SDK2: variants seen among roughly 807,000 people sequenced by gnomAD.
The protein encoded by SDK2 is protein sidekick-2.
A neutral mutation model predicts 253.9 loss-of-function variants in SDK2; 105 were observed. The observed-to-expected ratio is 0.41, with a 90% CI of 0.35 to 0.49. SDK2 has a LOEUF of 0.49. SDK2 is among the 20% of genes least tolerant of loss of function. SDK2 has a pLI of 0.06. For missense variants in SDK2, 2,608 were observed against 3,003.0 expected, an observed-to-expected ratio of 0.87 and a Z score of 3.07; for synonymous variants, 1,249 against 1,234.9, an observed-to-expected ratio of 1.01 and a Z score of -0.24.
intron 44 of SDK2, among the ~76,000 whole-genome samples, chr17:73,339,437 G>C (rs1315247530): frequency 1.3e-5 from 2 of 151,922 alleles, no homozygotes; most frequent in Non-Finnish European, 2.9e-5. Context: ...AGCTAGGCTG[G>C]TCTTGAACTC....
intron 38 of SDK2, 112 bp downstream of exon 38, chr17:73,365,146 G>A: frequency 2.7e-6 from 2 of 753,652 alleles, no homozygotes; most frequent in Non-Finnish European, 3.9e-6. Context: ...TTATAAGATG[G>A]GGAGACTCTC....
intron 1 of SDK2, among the ~76,000 whole-genome samples, chr17:73,610,447 G>C (rs2045959468): frequency 6.6e-6 from 1 of 152,204 alleles, no homozygotes; most frequent in African/African-American, 2.4e-5. Flanking sequence ...TTTTGGCCCA[G>C]CACGCATTCC....
intron 40 of SDK2, chr17:73,357,738 G>A (rs901383713): frequency 1.3e-5 from 5 of 374,758 alleles, no homozygotes; most frequent in African/African-American, 2.1e-5. Flanking sequence ...CTTAGTTATG[G>A]GGCACCCATC....
chr17:73,568,790 G>GAA (rs34711924), intron 1 of SDK2, among the ~76,000 whole-genome samples: 59,300 of 151,832 alleles, frequency 0.39, 12,757 homozygotes, highest in African/African-American at 0.59. Flanking sequence ...AATACAAGGA[G>GAA]AAGAGTCGTT....
intron 1 of SDK2, among the ~76,000 whole-genome samples, chr17:73,569,516 G>C (rs979053548): frequency 6.6e-6 from 1 of 151,680 alleles, no homozygotes; most frequent in South Asian, 2.1e-4. Context: ...TTTTGTATTC[G>C]TGCCTATTAA....
chr17:73,388,451 C>T (rs962950620), intron 29 of SDK2, among the ~76,000 whole-genome samples: 2 of 152,200 alleles, frequency 1.3e-5, no homozygotes, highest in African/African-American at 4.8e-5. Context: ...AGCTTGGCTT[C>T]CTTCTCTCCC....
intron 1 of SDK2, among the ~76,000 whole-genome samples, chr17:73,550,974 G>C (rs1041191645): frequency 1.3e-5 from 2 of 152,164 alleles, no homozygotes; most frequent in Non-Finnish European, 2.9e-5. Context: ...CCTACCTCCT[G>C]TCTCCTGTCA....
Position 73,431,422 on chromosome 17 carries a change from C to G in SDK2, c.1480+80G>C. 1 of 1,379,954 alleles carries G rather than the reference C, an allele frequency of 7.2e-7. No homozygotes were observed. Among genetic ancestry groups the G allele is most frequent in the Non-Finnish European group, 9.9e-7 (1 of 1,014,804 alleles). The allele number at this position is 1,379,954 out of a possible 1,614,324, so 85.5% of individuals were successfully genotyped here. On this transcript the variant is annotated intron_variant, in intron 11 of 44. Transcript: ENST00000392650. This position sits in a 1 kb window ranked among gnomAD's most constrained non-coding sequence, Gnocchi z 5.6. Reference sequence around the variant, plus strand: ...GGTGGTATGAGCCTGTGCCCCGTAGCTGTCCTGAGTCCTCAGCACCTACAG... The same window carrying G: ...GGTGGTATGAGCCTGTGCCCCGTAGGTGTCCTGAGTCCTCAGCACCTACAG...
chr17:73,412,904 C>T (rs1438030917), intron 18 of SDK2, among the ~76,000 whole-genome samples: 1 of 152,152 alleles, frequency 6.6e-6, no homozygotes, highest in Non-Finnish European at 1.5e-5. Context: ...TGAAGACAGA[C>T]ACCTAGAAGT....
chr17:73,361,879 A>G lies in SDK2; in HGVS notation c.5306-34T>C. On this transcript the variant is annotated intron_variant, in intron 38 of 44. Coordinates refer to ENST00000392650, the MANE Select transcript of SDK2 (RefSeq NM_001144952.2). This position sits in a 1 kb window ranked among gnomAD's most constrained non-coding sequence, Gnocchi z 4.1. ...GGCACAGCAAGTGGGGACTGGGCAC[A>G]GGGCCCACCGAGGGCACTGGAGGCC... 1 of 1,541,664 alleles carries G rather than the reference A, an allele frequency of 6.5e-7. No homozygotes were observed. The highest frequency in any genetic ancestry group is 2.4e-5 in the East Asian group (1 of 41,686).
chr17:73,372,745 A>AAAC (rs2062746060), intron 36 of SDK2, among the ~76,000 whole-genome samples: 3 of 152,054 alleles, frequency 2.0e-5, no homozygotes, highest in African/African-American at 4.8e-5. Flanking sequence ...TGTCTCGAAA[A>AAAC]AAACAAACAA....
chr17:73,373,273 A>G (rs1007548317), intron 36 of SDK2, among the ~76,000 whole-genome samples: 2 of 152,212 alleles, frequency 1.3e-5, no homozygotes, highest in South Asian at 2.1e-4. Flanking sequence ...ATTCACAGAC[A>G]CTCAGGCTAT....
intron 1 of SDK2, chr17:73,517,670 C>T (rs1029693174): frequency 1.3e-5 from 2 of 152,244 alleles, no homozygotes; most frequent in South Asian, 2.1e-4. Flanking sequence ...GCTTATAGTG[C>T]TTTGTCATGG....
intron 1 of SDK2, among the ~76,000 whole-genome samples, chr17:73,585,116 C>A (rs1181649241): frequency 1.3e-5 from 2 of 152,170 alleles, no homozygotes; most frequent in Admixed American, 1.3e-4. Flanking sequence ...GCTCAGACAC[C>A]CAGCGGGGAA....
Position 73,345,462 on chromosome 17 carries a change from A to G in SDK2, c.6165+3137T>C, listed in dbSNP as rs2062474708. 2.0e-5 allele frequency among the ~76,000 whole-genome samples: 3 copies of G among 152,240 alleles called. No individual in the cohort carries two copies. The South Asian group carries it at 6.2e-4, about 31-fold the overall frequency. On this transcript the variant is annotated intron_variant, in intron 44 of 44. Transcript: ENST00000392650. ...CTTCCCTAGTAAATCATAACATATT[A>G]TAACGCAACATTCATTAGAGTCTGT...
intron 44 of SDK2, among the ~76,000 whole-genome samples, chr17:73,344,655 T>C (rs1381344573): frequency 6.6e-6 from 1 of 152,190 alleles, no homozygotes; most frequent in Non-Finnish European, 1.5e-5. Context: ...TAGCTTTGCC[T>C]CTCCCCGGCC....
chr17:73,590,713 GC>G (rs1212432665), intron 1 of SDK2, among the ~76,000 whole-genome samples: 1 of 152,212 alleles, frequency 6.6e-6, no homozygotes, highest in Non-Finnish European at 1.5e-5. Context: ...CATGGGCTGT[GC>G]ATGGAATTGA....
intron 29 of SDK2, among the ~76,000 whole-genome samples, chr17:73,389,679 C>G (rs564457192): frequency 3.3e-5 from 5 of 152,188 alleles, no homozygotes; most frequent in African/African-American, 1.2e-4. Context: ...CCTGATCCTG[C>G]GCCCATCTGT....
At chr17:73,441,001 C>T in intron 5 of SDK2, 78 bp from the exon 6 acceptor site, 1 of 1,105,458 alleles carries the variant, frequency 9.0e-7, no homozygotes. Flanking sequence ...GGCTGATGCC[C>T]TGGGAGGTCT....
Sources: allele counts gnomAD v4.1 joint callset (sites outside exome capture counted in the v4.1 genomes callset), GRCh38; gene constraint gnomAD v4.1.1; non-coding constraint Gnocchi (gnomAD v3.1); transcripts MANE v1.5; gene names NCBI Gene and HGNC (gene_info 2026-07-23, HGNC 2026-07-21).